PSMA1: variants seen among roughly 807,000 people sequenced by gnomAD.
PSMA1 encodes proteasome 20S subunit alpha 1.
A neutral mutation model predicts 38.4 loss-of-function variants in PSMA1; 3 were observed. The observed-to-expected ratio is 0.08, with a 90% CI of 0.04 to 0.20. PSMA1 has a LOEUF of 0.20. Ranked by LOEUF, PSMA1 falls within the 10% of genes least tolerant of loss-of-function variation. PSMA1 has a pLI of 1.00. For synonymous variants in PSMA1, 101 were observed against 107.1 expected (o/e 0.94, Z 0.35); for missense variants, 227 against 325.3 (o/e 0.70, Z 2.32).
At chr11:14,608,412 G>C (rs1852668509) in intron 2 of PSMA1, among the ~76,000 whole-genome samples, 1 of 151,538 alleles carries the variant, frequency 6.6e-6, no homozygotes, top group Admixed American at 6.6e-5. Context: ...GGACTGTTGT[G>C]GGGTAGGGGG....
Position 14,534,403 on chromosome 11 carries a change from T to C in PSMA1, c.22-15362A>G, listed in dbSNP as rs1851681617. ...ATAAATGTTTCATAATTTATTTGACTAATATTTGATAGCCTTTAAACAGCT... is the reference window on the plus strand; with the variant it reads ...ATAAATGTTTCATAATTTATTTGACCAATATTTGATAGCCTTTAAACAGCT... On this transcript the variant is annotated intron_variant, in intron 2 of 10. Transcript: ENST00000418988. The surrounding 1 kb of genome is among the most constrained non-coding windows in gnomAD (Gnocchi z 4.5). Among the ~76,000 whole-genome samples the C allele has an allele frequency of 2.0e-5, 3 of 152,342 alleles. No homozygotes were observed. In the South Asian group the frequency reaches 6.2e-4, roughly 32 times the overall value.
intron 2 of PSMA1, among the ~76,000 whole-genome samples, chr11:14,570,428 G>A (rs895464852): frequency 6.6e-6 from 1 of 152,160 alleles, no homozygotes; most frequent in East Asian, 1.9e-4. Flanking sequence ...CAAGCTAAAG[G>A]AGGATGTTCA....
rs1262599118 is a variant in PSMA1, at chr11:14,598,880, C to T, written c.21+12086G>A. Among the ~76,000 whole-genome samples the T allele has an allele frequency of 1.1e-4, 17 of 151,668 alleles. No homozygotes were observed. In the South Asian group the frequency reaches 1.7e-3, roughly 15 times the overall value. On this transcript the variant is annotated intron_variant, in intron 2 of 10. Coordinates refer to the PSMA1 transcript ENST00000418988. ...GGCATGTTTTTGCAGTGGCTGGTAC[C>T]GGTTGTTCCTTTCCATGTTTAGTGC...
intron 1 of PSMA1, among the ~76,000 whole-genome samples, chr11:14,642,549 C>G (rs1309441819): frequency 6.6e-6 from 1 of 152,140 alleles, no homozygotes; most frequent in Non-Finnish European, 1.5e-5. Context: ...TAGGTCATGA[C>G]TGTGGGCAGA....
intron 2 of PSMA1, among the ~76,000 whole-genome samples, chr11:14,600,731 G>A (rs141213174): frequency 9.2e-5 from 14 of 152,264 alleles, no homozygotes; most frequent in African/African-American, 2.9e-4. Flanking sequence ...GTTTCTGCTC[G>A]CCCTCTGTGG....
chr11:14,623,413 A>G (rs1043879907), intron 1 of PSMA1, among the ~76,000 whole-genome samples: 7 of 152,224 alleles, frequency 4.6e-5, no homozygotes, highest in African/African-American at 1.7e-4. Flanking sequence ...TGGATCTGTA[A>G]AAAGTGCACC....
intron 2 of PSMA1, among the ~76,000 whole-genome samples, chr11:14,535,031 A>G (rs1322906908): frequency 2.6e-5 from 4 of 152,188 alleles, no homozygotes; most frequent in Non-Finnish European, 5.9e-5. Context: ...CCGAGATTGC[A>G]CCACTGCAAT....
intron 2 of PSMA1, among the ~76,000 whole-genome samples, chr11:14,529,684 C>T (rs1851624877): frequency 6.6e-6 from 1 of 152,204 alleles, no homozygotes; most frequent in Admixed American, 6.5e-5. Flanking sequence ...TTGGTAACAC[C>T]TTAACTCTCA....
At chr11:14,505,542 T>C (rs1209619048) in intron 9 of PSMA1, among the ~76,000 whole-genome samples, 1 of 152,016 alleles carries the variant, frequency 6.6e-6, no homozygotes, top group Admixed American at 6.6e-5. Context: ...TTTCTTTTTC[T>C]TTTTCTTTTT....
chr11:14,611,127 A>G, exon 2 of PSMA1: 1 of 733,688 alleles, frequency 1.4e-6, no homozygotes, highest in South Asian at 1.7e-5. Context: ...GACCATGAAT[A>G]CATGCTTTTT....
intron 2 of PSMA1, among the ~76,000 whole-genome samples, chr11:14,557,031 C>T (rs1383831063): frequency 6.6e-6 from 1 of 152,050 alleles, no homozygotes; most frequent in Non-Finnish European, 1.5e-5. Context: ...ATGGGGGTAT[C>T]ACTGTGTTGC....
chr11:14,641,744 G>T (rs1380131503), intron 1 of PSMA1, among the ~76,000 whole-genome samples: 1 of 152,188 alleles, frequency 6.6e-6, no homozygotes. Context: ...TCAACACTGA[G>T]ACTTTGGTTT....
chr11:14,598,950 C>A (rs2134192673), intron 2 of PSMA1, among the ~76,000 whole-genome samples: 1 of 152,112 alleles, frequency 6.6e-6, no homozygotes, highest in East Asian at 1.9e-4. Flanking sequence ...GTGACAAAAT[C>A]TCTCAGCATT....
chr11:14,520,450 G>A (rs1851510163), upstream of PSMA1: 1 of 1,568,206 alleles, frequency 6.4e-7, no homozygotes, highest in East Asian at 2.3e-5. Context: ...GATATCGATA[G>A]GCTTGCAACA....
In PSMA1 at chr11:14,506,781, C is replaced by T. The variant is rs1353826955; in HGVS notation, c.735+875G>A. Among the ~76,000 whole-genome samples the T allele has an allele frequency of 2.6e-5, 4 of 152,188 alleles. No homozygotes were observed. The East Asian group carries it at 7.7e-4, about 29-fold the overall frequency. On this transcript the variant is annotated intron_variant, in intron 9 of 9. Transcript: ENST00000396394. ...GTCCTGCATCTCAGCCTTAAGAATG[C>T]CTGGCGGCTTTCACTTCTGACTTTT...
At chr11:14,538,795 C>T (rs1427755238) in intron 2 of PSMA1, among the ~76,000 whole-genome samples, 1 of 152,252 alleles carries the variant, frequency 6.6e-6, no homozygotes, top group Admixed American at 6.5e-5. Flanking sequence ...CCTGTGCCTA[C>T]ACCCAGTACC....
At chr11:14,575,671 T>G (rs1852204596) in intron 2 of PSMA1, among the ~76,000 whole-genome samples, 1 of 152,196 alleles carries the variant, frequency 6.6e-6, no homozygotes, top group South Asian at 2.1e-4. Flanking sequence ...GTTGGACATT[T>G]GGGTTGGTTC....
At chr11:14,514,635 C>T (rs571222484) in intron 4 of PSMA1, 144 bp from the exon 5 acceptor site, 2 of 621,084 alleles carry the variant, frequency 3.2e-6, no homozygotes, top group African/African-American at 1.9e-5. Context: ...GAAAGACATG[C>T]CTGCAAGGGT....
intron 1 of PSMA1, among the ~76,000 whole-genome samples, chr11:14,642,819 G>T (rs866076033): frequency 3.3e-5 from 5 of 152,164 alleles, no homozygotes; most frequent in Admixed American, 6.5e-5. Context: ...AGTTTCACCA[G>T]TACTTCACAG....
Sources: allele counts gnomAD v4.1 joint callset (sites outside exome capture counted in the v4.1 genomes callset), GRCh38; gene constraint gnomAD v4.1.1; non-coding constraint Gnocchi (gnomAD v3.1); transcripts MANE v1.5; gene names NCBI Gene and HGNC (gene_info 2026-07-23, HGNC 2026-07-21).